Variants in NLRP2 observed in about 807,000 individuals in gnomAD.
The protein encoded by NLRP2 is NLR family pyrin domain containing 2.
A neutral mutation model predicts 97.2 loss-of-function variants in NLRP2; 107 were observed. The observed-to-expected ratio is 1.10, with a 90% CI of 0.94 to 1.29. The LOEUF (loss-of-function observed/expected upper bound fraction) is 1.29. Ranked by LOEUF, NLRP2 falls within the 50% of genes most tolerant of loss-of-function variation. NLRP2 has a pLI of 0.00. For missense variants in NLRP2, 1,495 were observed against 1,330.3 expected, an observed-to-expected ratio of 1.12 and a Z score of -1.93; for synonymous variants, 663 against 551.5, an observed-to-expected ratio of 1.20 and a Z score of -2.83.
intron 1 of NLRP2, among the ~76,000 whole-genome samples, chr19:54,968,760 A>T (rs1323115323): frequency 7.2e-6 from 1 of 138,744 alleles, no homozygotes; most frequent in African/African-American, 2.8e-5. Flanking sequence ...CAGTGGCGCC[A>T]TGTCAGCTCA....
At chr19:54,993,893 C>T (rs2072647565) in intron 10 of NLRP2, 1 of 313,604 alleles carries the variant, frequency 3.2e-6, no homozygotes, top group Non-Finnish European at 6.1e-6. Context: ...GTGGCCCTTC[C>T]TCCAACTTCG....
At chr19:54,989,910 G>A in intron 8 of NLRP2, 112 bp from the exon 9 acceptor site, 1 of 1,143,304 alleles carries the variant, frequency 8.7e-7, no homozygotes, top group Non-Finnish European at 1.3e-6. Flanking sequence ...AGAATCACTT[G>A]AACCCAGGAG....
rs576253109 is a variant in NLRP2, at chr19:54,997,823, A to G, written c.3050+336A>G. Among the ~76,000 whole-genome samples the G allele has an allele frequency of 6.5e-4, 97 of 149,192 alleles. 1 individual carries two copies. The East Asian group carries it at 0.011, about 17-fold the overall frequency. The stretch of plus-strand genomic sequence containing the variant: ...CCCCAGGCTGGAGTCCAGCAGCACA[A>G]TGATGGCTCGCTGCAGGCTCGCTCC... On this transcript the variant is annotated intron_variant, in intron 12 of 12. Transcript: ENST00000448584.
intron 12 of NLRP2, among the ~76,000 whole-genome samples, chr19:54,998,817 TAGGGAGTGGTGATGACTCTTAACG>T (rs1310176429): frequency 2.7e-5 from 4 of 150,730 alleles, no homozygotes; most frequent in Admixed American, 2.0e-4. Context: ...TACTTGAGAT[TAGGGAGTGGTGATGACTCTTAACG>T]AGCGTGCTGC....
intron 3 of NLRP2, among the ~76,000 whole-genome samples, chr19:54,976,688 G>T (rs2071248972): frequency 6.6e-6 from 1 of 151,696 alleles, no homozygotes; most frequent in Admixed American, 6.6e-5. Context: ...CCTTTGTCCT[G>T]AATTTCACAT....
chr19:54,984,335 T>TTTTTTG (rs1568505369), intron 6 of NLRP2, among the ~76,000 whole-genome samples: 1 of 104,700 alleles, frequency 9.6e-6, no homozygotes, highest in African/African-American at 5.8e-5. Context: ...TTGTGTTTTT[T>TTTTTTG]TTTTTTTTTT....
chr19:54,997,627 A>G, intron 12 of NLRP2, 140 bp downstream of exon 12: 1 of 906,710 alleles, frequency 1.1e-6, no homozygotes, highest in Non-Finnish European at 1.8e-6. Context: ...CAATTTCTGT[A>G]TTTCACTTGG....
chr19:54,984,329 G>GTTTTTTTTTTTTTT lies in NLRP2; in HGVS notation c.2030+611_2030+624dup, dbSNP rs200366059. On this transcript the variant is annotated intron_variant, in intron 6 of 12. Transcript: ENST00000448584. ...AACTTAAGTGGGGGTTTTTTTTTGT[G>GTTTTTTTTTTTTTT]TTTTTTTTTTTTTTTTTTTTTTTGG... Among the ~76,000 whole-genome samples, 175 of 79,654 alleles carry GTTTTTTTTTTTTTT rather than the reference G, an allele frequency of 2.2e-3. 7 individuals carry two copies. The highest frequency in any genetic ancestry group is 4.8e-3 in the African/African-American group (103 of 21,634). The allele number at this position is 79,654 out of a possible 152,430, so 52.3% of individuals were successfully genotyped here.
intron 10 of NLRP2, among the ~76,000 whole-genome samples, chr19:54,992,607 C>T (rs2072563070): frequency 7.0e-6 from 1 of 142,326 alleles, no homozygotes; most frequent in Admixed American, 7.4e-5. Flanking sequence ...CTCTGTCGCC[C>T]AGGCTGGAAT....
intron 1 of NLRP2, among the ~76,000 whole-genome samples, chr19:54,968,626 CG>C (rs1458295906): frequency 6.6e-6 from 1 of 151,336 alleles, no homozygotes; most frequent in African/African-American, 2.4e-5. Flanking sequence ...CATGGCCCCC[CG>C]GCCAGCTTCA....
intron 1 of NLRP2, among the ~76,000 whole-genome samples, chr19:54,967,820 A>G (rs1263697858): frequency 6.6e-6 from 1 of 151,918 alleles, no homozygotes; most frequent in Admixed American, 6.6e-5. Context: ...CCTGAGTCTT[A>G]TGCAAATACC....
intron 6 of NLRP2, 151 bp downstream of exon 6, chr19:54,983,879 C>G (rs938534698): frequency 1.5e-5 from 18 of 1,226,168 alleles, no homozygotes; most frequent in Non-Finnish European, 1.9e-5. Flanking sequence ...GAGATGGAGT[C>G]TTGCTCTGTC....
At chr19:54,966,519 C>T (rs1317408663) in intron 1 of NLRP2, 52 bp downstream of exon 1, 1 of 152,074 alleles carries the variant, frequency 6.6e-6, no homozygotes, top group Non-Finnish European at 1.5e-5. Flanking sequence ...TTCTCCATTC[C>T]ACAGTTGGTA....
intron 12 of NLRP2, among the ~76,000 whole-genome samples, chr19:54,998,535 T>G (rs2072967966): frequency 7.3e-6 from 1 of 136,422 alleles, no homozygotes; most frequent in African/African-American, 2.6e-5. Flanking sequence ...TTTTTAAGCT[T>G]TAAGTTTGTT....
rs149891105 is a variant in NLRP2 at position 54,986,168 on chromosome 19, C to T, written c.2219C>T (p.Pro740Leu). ...LQRVVFKNIS[P>L]ADAHRNLCLA... The stretch of plus-strand genomic sequence containing the variant: ...TTCCCTAGGTTCAAAAACATTTCCC[C>T]AGCTGATGCTCATCGGAACCTCTGC... Residue 740 changes from proline to leucine, a missense_variant, in exon 8 of 13, where the codon CCA (proline) becomes CTA (leucine). Coordinates refer to ENST00000448584, the MANE Select transcript of NLRP2 (RefSeq NM_017852.5). 3 of 1,613,254 alleles carry T rather than the reference C, an allele frequency of 1.9e-6. No individual in the cohort carries two copies. The highest frequency in any genetic ancestry group is 2.5e-6 in the Non-Finnish European group (3 of 1,179,240).
chr19:55,000,143 G>GTGGC (rs1294917004), intron 12 of NLRP2, among the ~76,000 whole-genome samples: 2 of 151,814 alleles, frequency 1.3e-5, no homozygotes, highest in African/African-American at 4.8e-5. Flanking sequence ...GCTGAGCATG[G>GTGGC]TGGCAGGTGC....
rs749608473 is a variant in NLRP2, at chr19:54,990,664, G to T, written c.2700G>T (p.Gln900His). The change falls in exon 10 of 13, where the codon CAG becomes CAT. Residue 900 changes from glutamine to histidine, a missense_variant. Coordinates refer to ENST00000448584, the MANE Select transcript of NLRP2 (RefSeq NM_017852.5). Reference protein sequence around the residue: ...EGLRYPECKLQTLVLWNCDIT... With the variant: ...EGLRYPECKLHTLVLWNCDIT... ...TGAGGTACCCCGAGTGTAAACTGCA[G>T]ACCTTGGTGTAAGTCCGTGCTGGCT... 1 of 1,614,166 alleles carries T rather than the reference G, an allele frequency of 6.2e-7. No homozygotes were observed. The highest frequency in any genetic ancestry group is 1.1e-5 in the South Asian group (1 of 91,086).
chr19:54,993,250 TAA>T (rs918131905), intron 10 of NLRP2: 3 of 147,298 alleles, frequency 2.0e-5, no homozygotes, highest in African/African-American at 7.4e-5. Flanking sequence ...TATACATTCA[TAA>T]AGTTTCAAGA....
chr19:54,989,056 C>G (rs2072285707), intron 8 of NLRP2, among the ~76,000 whole-genome samples: 1 of 152,004 alleles, frequency 6.6e-6, no homozygotes, highest in African/African-American at 2.4e-5. Flanking sequence ...CTCCTGGGTT[C>G]AAGTGATTCT....
Sources: allele counts gnomAD v4.1 joint callset (sites outside exome capture counted in the v4.1 genomes callset), GRCh38; gene constraint gnomAD v4.1.1; transcripts MANE v1.5; gene names NCBI Gene and HGNC (gene_info 2026-07-23, HGNC 2026-07-21).